Variants in IL1RAPL1 observed in about 807,000 individuals in gnomAD.
IL1RAPL1 encodes the protein interleukin 1 receptor accessory protein like 1, also known as interleukin-1 receptor accessory protein-like 1.
A neutral mutation model predicts 48.4 loss-of-function variants in IL1RAPL1; 3 were observed. The observed-to-expected ratio is 0.06, with a 90% CI of 0.03 to 0.16. IL1RAPL1 has a LOEUF of 0.16. Ranked by LOEUF, IL1RAPL1 falls within the 10% of genes least tolerant of loss-of-function variation. The pLI is 1.00. For missense variants in IL1RAPL1, 349 were observed against 530.6 expected, an observed-to-expected ratio of 0.66 and a Z score of 3.36; for synonymous variants, 185 against 187.7, an observed-to-expected ratio of 0.99 and a Z score of 0.12.
chrX:29,723,122 C>G (rs1927680652), intron 6 of IL1RAPL1, among the ~76,000 whole-genome samples: 1 of 112,276 alleles, frequency 8.9e-6, no homozygotes, highest in African/African-American at 3.2e-5. Flanking sequence ...AGGATCTTAC[C>G]AATTTCAGTG....
chrX:29,948,846 GA>G (rs796452553), intron 9 of IL1RAPL1, among the ~76,000 whole-genome samples: 18,535 of 88,830 alleles, frequency 0.21, 1,446 homozygotes, highest in African/African-American at 0.26. Context: ...AAAAAAAAAA[GA>G]AAAAAAAAAA....
intron 2 of IL1RAPL1, among the ~76,000 whole-genome samples, chrX:28,950,558 C>G (rs1924430185): frequency 1.0e-5 from 1 of 97,392 alleles, no homozygotes; most frequent in African/African-American, 3.8e-5. Context: ...GATATTGATT[C>G]TTCCTACCCA....
At chrX:29,013,542 G>T (rs1926173481) in intron 2 of IL1RAPL1, among the ~76,000 whole-genome samples, 2 of 111,989 alleles carry the variant, frequency 1.8e-5, no homozygotes, top group Non-Finnish European at 3.8e-5. Flanking sequence ...GCCATGAAAA[G>T]GAATGAGATC....
At chrX:29,204,625 T>G (rs1930626605) in intron 2 of IL1RAPL1, among the ~76,000 whole-genome samples, 1 of 112,313 alleles carries the variant, frequency 8.9e-6, no homozygotes, top group Non-Finnish European at 1.9e-5. Flanking sequence ...CATTTAATAC[T>G]CAACTATAAT....
chrX:29,061,710 C>T (rs1395025780), intron 2 of IL1RAPL1, among the ~76,000 whole-genome samples: 2 of 112,423 alleles, frequency 1.8e-5, no homozygotes. Context: ...CCGCCCACCT[C>T]GGTCTCCCAA....
intron 3 of IL1RAPL1, among the ~76,000 whole-genome samples, chrX:29,302,538 C>T (rs1031930180): frequency 3.6e-5 from 4 of 111,973 alleles, no homozygotes; most frequent in African/African-American, 1.3e-4. Flanking sequence ...ATATATTCTT[C>T]TAATTGTCCA....
chrX:29,221,283 G>A (rs949120109), intron 2 of IL1RAPL1, among the ~76,000 whole-genome samples: 2 of 111,744 alleles, frequency 1.8e-5, no homozygotes, highest in Non-Finnish European at 3.8e-5. Flanking sequence ...ATGCAATGAT[G>A]TAGTTAACAA....
intron 2 of IL1RAPL1, among the ~76,000 whole-genome samples, chrX:28,854,046 T>C (rs1360230804): frequency 8.9e-6 from 1 of 112,044 alleles, no homozygotes; most frequent in Non-Finnish European, 1.9e-5. Flanking sequence ...AAGTAAATCA[T>C]TGGGCTTTCC....
chrX:29,067,913 A>C (rs747127695), intron 2 of IL1RAPL1, among the ~76,000 whole-genome samples: 7 of 112,129 alleles, frequency 6.2e-5, no homozygotes, highest in Non-Finnish European at 1.3e-4. Flanking sequence ...TGGCATAATC[A>C]GTAGAAATTT....
chrX:29,654,221 T>A (rs1423601003), intron 5 of IL1RAPL1, among the ~76,000 whole-genome samples: 1 of 110,884 alleles, frequency 9.0e-6, no homozygotes, highest in African/African-American at 3.3e-5. Context: ...GAGGTTATCT[T>A]AGATGCACAG....
Position 29,917,121 on chromosome X carries a change from G to A in IL1RAPL1, c.779-343G>A, listed in dbSNP as rs1330279595. Among the ~76,000 whole-genome samples the A allele has an allele frequency of 6.3e-5, 7 of 111,767 alleles. No individual in the cohort carries two copies. In the East Asian group the frequency reaches 1.4e-3, roughly 22 times the overall value. On this transcript the variant is annotated intron_variant, in intron 6 of 10. Coordinates refer to ENST00000378993, the MANE Select transcript of IL1RAPL1 (RefSeq NM_014271.4). ...TATGTACCCTTTGATATCATGCTTC[G>A]AGAAGGGCATATCACCTCTGTGGTA... is the stretch of plus-strand genomic sequence containing the variant.
At chrX:29,688,893 A>G (rs1195601609) in intron 6 of IL1RAPL1, among the ~76,000 whole-genome samples, 2 of 109,649 alleles carry the variant, frequency 1.8e-5, no homozygotes, top group African/African-American at 6.7e-5. Context: ...ACCAAAAACT[A>G]TCCATTAACA....
intron 5 of IL1RAPL1, among the ~76,000 whole-genome samples, chrX:29,449,738 TACACACAC>T (rs539577442): frequency 7.2e-4 from 46 of 63,917 alleles, no homozygotes; most frequent in Middle Eastern, 7.9e-3. Flanking sequence ...TACATATGCA[TACACACAC>T]ACACACACAC....
chrX:29,698,634 GA>G (rs1488232177), intron 6 of IL1RAPL1, among the ~76,000 whole-genome samples: 1 of 111,212 alleles, frequency 9.0e-6, no homozygotes, highest in Non-Finnish European at 1.9e-5. Context: ...AAGACAGAAG[GA>G]AGGAAGTTGC....
At chrX:29,898,654 T>A (rs1020389625) in intron 6 of IL1RAPL1, among the ~76,000 whole-genome samples, 10 of 110,931 alleles carry the variant, frequency 9.0e-5, no homozygotes, top group Non-Finnish European at 1.9e-4. Context: ...TTCATGTAAC[T>A]ACAGATAGAA....
intron 5 of IL1RAPL1, among the ~76,000 whole-genome samples, chrX:29,627,816 C>A (rs1039317044): frequency 8.9e-6 from 1 of 112,085 alleles, no homozygotes; most frequent in African/African-American, 3.2e-5. Context: ...AGGGGAGCAG[C>A]GTGAAGTAAC....
intron 5 of IL1RAPL1, among the ~76,000 whole-genome samples, chrX:29,551,688 G>A (rs758356052): frequency 9.0e-6 from 1 of 111,232 alleles, no homozygotes; most frequent in South Asian, 3.8e-4. Flanking sequence ...CTCTTTAAAA[G>A]ATGCTTTCTT....
chrX:29,555,307 T>C (rs956750484), intron 5 of IL1RAPL1, among the ~76,000 whole-genome samples: 1 of 112,503 alleles, frequency 8.9e-6, no homozygotes, highest in Non-Finnish European at 1.9e-5. Context: ...TATCTCTAAC[T>C]TAAGGAAAAA....
chrX:28,999,427 C>A (rs1925796926), intron 2 of IL1RAPL1, among the ~76,000 whole-genome samples: 1 of 111,327 alleles, frequency 9.0e-6, no homozygotes, highest in Non-Finnish European at 1.9e-5. Context: ...TTATGCTAGC[C>A]CAATCCCTGA....
Sources: allele counts gnomAD v4.1 joint callset (sites outside exome capture counted in the v4.1 genomes callset), GRCh38; gene constraint gnomAD v4.1.1; transcripts MANE v1.5; gene names NCBI Gene and HGNC (gene_info 2026-07-23, HGNC 2026-07-21).